Variants in CSMD1 observed in about 807,000 individuals in gnomAD.
The protein encoded by CSMD1 is CUB and Sushi multiple domains 1, also known as CUB and sushi domain-containing protein 1.
CSMD1 carries 213 observed loss-of-function variants against 417.5 expected under a neutral mutation model. The ratio of observed to expected loss-of-function variants is 0.51; its 90% CI spans 0.46 to 0.57. The LOEUF (loss-of-function observed/expected upper bound fraction) is 0.57, where lower values mean the gene tolerates loss of function less well. Among genes scored for constraint, CSMD1 ranks in the 20% least tolerant of loss-of-function variants. CSMD1 has a pLI of 0.00. For missense variants in CSMD1, 6,923 were observed against 4,529.7 expected, an observed-to-expected ratio of 1.53 and a Z score of -15.17; for synonymous variants, 2,862 against 1,736.8, an observed-to-expected ratio of 1.65 and a Z score of -16.11.
At chr8:3,358,682 A>T (rs1808960120) in intron 21 of CSMD1, among the ~76,000 whole-genome samples, 1 of 152,180 alleles carries the variant, frequency 6.6e-6, no homozygotes, top group Admixed American at 6.5e-5. Context: ...CCCACTTAGC[A>T]GGAGTGTGCA....
At chr8:3,297,858 A>G (rs1033118017) in intron 25 of CSMD1, among the ~76,000 whole-genome samples, 1 of 152,192 alleles carries the variant, frequency 6.6e-6, no homozygotes, top group African/African-American at 2.4e-5. Flanking sequence ...AAAAATGAGT[A>G]AAAATTATTA....
intron 10 of CSMD1, among the ~76,000 whole-genome samples, chr8:3,501,626 T>C (rs923372140): frequency 2.6e-5 from 4 of 152,192 alleles, no homozygotes; most frequent in Admixed American, 1.3e-4. Flanking sequence ...GACGCTATAA[T>C]GTATCTGATT....
intron 23 of CSMD1, among the ~76,000 whole-genome samples, chr8:3,329,552 G>C (rs1166793250): frequency 2.0e-5 from 3 of 152,150 alleles, no homozygotes; most frequent in African/African-American, 4.8e-5. Context: ...CCTTCCCAAG[G>C]CCTATGCAAT....
At chr8:3,942,366 G>A (rs894694717) in intron 5 of CSMD1, among the ~76,000 whole-genome samples, 2 of 152,036 alleles carry the variant, frequency 1.3e-5, no homozygotes, top group Non-Finnish European at 1.5e-5. Context: ...GGTAGAGGAC[G>A]GCTACCTTAA....
intron 3 of CSMD1, among the ~76,000 whole-genome samples, chr8:4,388,335 C>G (rs916970357): frequency 6.6e-6 from 1 of 151,308 alleles, no homozygotes; most frequent in Non-Finnish European, 1.5e-5. Flanking sequence ...CACACACACA[C>G]ACACACACAC....
chr8:4,877,156 A>T (rs182961001), intron 1 of CSMD1, among the ~76,000 whole-genome samples: 4 of 152,122 alleles, frequency 2.6e-5, no homozygotes, highest in Admixed American at 2.0e-4. Context: ...GACACATTTT[A>T]CACTTGAAGA....
intron 1 of CSMD1, among the ~76,000 whole-genome samples, chr8:4,856,334 A>G (rs969694467): frequency 6.9e-6 from 1 of 145,954 alleles, no homozygotes; most frequent in African/African-American, 2.6e-5. Flanking sequence ...AAGACCATCG[A>G]GACTAGGAAG....
At chr8:3,065,360 GGATA>G (rs776710939) in intron 49 of CSMD1, among the ~76,000 whole-genome samples, 21 of 151,800 alleles carry the variant, frequency 1.4e-4, no homozygotes, top group African/African-American at 3.6e-4. Context: ...ATAGATAAGT[GGATA>G]GATAAATAGG....
intron 1 of CSMD1, among the ~76,000 whole-genome samples, chr8:4,934,745 ATATC>A (rs915871143): frequency 3.9e-4 from 59 of 152,246 alleles, no homozygotes; most frequent in East Asian, 1.4e-3. Context: ...TAAACTATCT[ATATC>A]TATCTACCTA....
intron 17 of CSMD1, among the ~76,000 whole-genome samples, chr8:3,395,434 C>T (rs1472417838): frequency 1.3e-5 from 2 of 152,088 alleles, no homozygotes; most frequent in South Asian, 4.1e-4. Context: ...GGGTGATTCC[C>T]ATCAGCTAGA....
chr8:3,604,364 T>C (rs999339747), intron 8 of CSMD1, among the ~76,000 whole-genome samples: 1 of 152,050 alleles, frequency 6.6e-6, no homozygotes, highest in Non-Finnish European at 1.5e-5. Context: ...AGGTACCTCA[T>C]GGGGTGATGC....
intron 5 of CSMD1, among the ~76,000 whole-genome samples, chr8:3,784,270 G>T (rs1466567756): frequency 2.6e-5 from 4 of 152,064 alleles, no homozygotes; most frequent in Admixed American, 6.5e-5. Context: ...GACCTTGCTA[G>T]ATTACTAAAT....
At chr8:3,597,057 G>T (rs796812883) in intron 8 of CSMD1, among the ~76,000 whole-genome samples, 24 of 152,272 alleles carry the variant, frequency 1.6e-4, no homozygotes, top group African/African-American at 5.3e-4. Flanking sequence ...CAAGATATTG[G>T]CCGATAAAAC....
In CSMD1 at chr8:3,926,475, T is replaced by G. The variant is rs546930351; in HGVS notation, c.818+71428A>C. 1.5e-4 allele frequency among the ~76,000 whole-genome samples: 23 copies of G among 150,636 alleles called. 1 individual carries two copies. Among genetic ancestry groups the G allele is most frequent in the Admixed American group, 1.3e-3 (20 of 15,034 alleles). ...TTGTTGAATGAGTGAATACATGTGTTGCATTTCATTAGTATTTTAATACTA... is the reference window on the plus strand; with the variant it reads ...TTGTTGAATGAGTGAATACATGTGTGGCATTTCATTAGTATTTTAATACTA... On this transcript the variant is annotated intron_variant, in intron 5 of 69. Coordinates refer to ENST00000635120, the MANE Select transcript of CSMD1 (RefSeq NM_033225.6).
At chr8:3,056,035 T>C (rs1006458242) in intron 49 of CSMD1, among the ~76,000 whole-genome samples, 5 of 152,246 alleles carry the variant, frequency 3.3e-5, no homozygotes, top group African/African-American at 1.2e-4. Flanking sequence ...ATAATTATGT[T>C]ATAGGCAGAA....
At chr8:3,901,644 C>A (rs1240556153) in intron 5 of CSMD1, among the ~76,000 whole-genome samples, 1 of 152,180 alleles carries the variant, frequency 6.6e-6, no homozygotes, top group African/African-American at 2.4e-5. Context: ...CAGTATCTGG[C>A]TCCTCCAATT....
intron 5 of CSMD1, among the ~76,000 whole-genome samples, chr8:3,989,042 C>A (rs1814545744): frequency 6.6e-6 from 1 of 152,132 alleles, no homozygotes; most frequent in African/African-American, 2.4e-5. Context: ...AAAAGTTTTT[C>A]TTTTTCATTG....
At position 3,549,306 on chromosome 8, in the gene CSMD1, T is replaced by C. The variant is rs144474470; in HGVS notation, c.1344+25639A>G. 8.7e-3 allele frequency among the ~76,000 whole-genome samples: 1,326 copies of C among 152,348 alleles called. 9 individuals carry two copies. Among genetic ancestry groups the C allele is most frequent in the Admixed American group, 0.011 (175 of 15,304 alleles). On this transcript the variant is annotated intron_variant, in intron 10 of 69. Transcript: ENST00000635120. Reference sequence around the variant, plus strand: ...TGTCCTGCAAAATCTAAACCATTTATTATCTTGCCCTTTACAGGCAAGCTC... The same window carrying C: ...TGTCCTGCAAAATCTAAACCATTTACTATCTTGCCCTTTACAGGCAAGCTC...
chr8:3,783,949 C>A lies in CSMD1; in HGVS notation c.819-29907G>T, dbSNP rs148908316. Among the ~76,000 whole-genome samples, 659 of 152,314 alleles carry A rather than the reference C, an allele frequency of 4.3e-3. 2 individuals are homozygous for A. The highest frequency in any genetic ancestry group is 0.014 in the Middle Eastern group (4 of 294). ...TGAATACCCCAGCTCTGCGATTTAC[C>A]TATTACCTGCCCTTGGGCAAATTAC... On this transcript the variant is annotated intron_variant, in intron 5 of 69. Transcript: ENST00000635120.
Sources: allele counts gnomAD v4.1 joint callset (sites outside exome capture counted in the v4.1 genomes callset), GRCh38; gene constraint gnomAD v4.1.1; transcripts MANE v1.5; gene names NCBI Gene and HGNC (gene_info 2026-07-23, HGNC 2026-07-21).